Variants in STRA6 observed in about 807,000 individuals in gnomAD.
STRA6 encodes receptor for retinol uptake STRA6.
In STRA6, 48 loss-of-function variants were observed where a neutral mutation model predicts 83.6. The observed-to-expected ratio is 0.57, with a 90% CI of 0.46 to 0.73. STRA6 has a LOEUF of 0.73. STRA6 is among the 30% of genes least tolerant of loss of function. The pLI is 0.00. For synonymous variants in STRA6, 353 were observed against 362.3 expected (o/e 0.97, Z 0.29); for missense variants, 760 against 838.8 (o/e 0.91, Z 1.16).
In STRA6 at chr15:74,180,764, C is replaced by T; in HGVS notation, c.1840+18G>A. 1 of 1,598,946 alleles carries T rather than the reference C, an allele frequency of 6.3e-7. No homozygotes were observed. The highest frequency in any genetic ancestry group is 1.1e-5 in the South Asian group (1 of 90,378). On this transcript the variant is annotated intron_variant, in intron 18 of 18. Transcript: ENST00000395105. Reference sequence around the variant, plus strand: ...GCTGGGTAGGCTCTATTCCCCCATTCCCAGTGGGAGGGCGCACCTTCGTCT... The same window carrying T: ...GCTGGGTAGGCTCTATTCCCCCATTTCCAGTGGGAGGGCGCACCTTCGTCT...
At chr15:74,191,937 T>A in intron 8 of STRA6, 1 of 279,358 alleles carries the variant, frequency 3.6e-6, no homozygotes, top group Non-Finnish European at 6.9e-6. Flanking sequence ...CTGCTGCCAC[T>A]GCGCAAGGGA....
At chr15:74,186,861 G>C (rs1455825026) in intron 12 of STRA6, among the ~76,000 whole-genome samples, 1 of 152,210 alleles carries the variant, frequency 6.6e-6, no homozygotes, top group African/African-American at 2.4e-5. Context: ...CTGGCACAGG[G>C]CTTGAGCAAC....
intron 8 of STRA6, among the ~76,000 whole-genome samples, chr15:74,192,444 G>A (rs571803225): frequency 1.4e-4 from 22 of 152,260 alleles, no homozygotes; most frequent in African/African-American, 4.6e-4. Context: ...GGGCCTTCTC[G>A]GACCAGAGTA....
upstream of STRA6, among the ~76,000 whole-genome samples, chr15:74,204,329 G>A (rs939180894): frequency 3.3e-5 from 5 of 152,226 alleles, no homozygotes; most frequent in African/African-American, 1.2e-4. Flanking sequence ...GGGTAAGAGG[G>A]ACTTCAGAAA....
chr15:74,189,341 C>T (rs1321841658), intron 11 of STRA6, 64 bp from the exon 12 acceptor site: 42 of 1,546,650 alleles, frequency 2.7e-5, no homozygotes, highest in African/African-American at 4.1e-5. Context: ...ACAGGGGAGA[C>T]GCTGGGGAAG....
In STRA6 at chr15:74,196,106, G is replaced by A. The variant is rs2073806173; in HGVS notation, c.308C>T (p.Pro103Leu). The A allele has an allele frequency of 6.2e-7, 1 of 1,614,014 alleles. No individual in the cohort carries two copies. Residue 103 changes from proline (P) to leucine (L), a missense_variant, in exon 5 of 19, where the codon CCT becomes CTT. Coordinates refer to ENST00000395105, the MANE Select transcript of STRA6 (RefSeq NM_022369.4). ...FLAGDRPRAV[P>L]AAVFMVLLSS... Reference sequence around the variant, plus strand: ...CAGGAGGACCATGAAAACAGCAGCAGGCACTGCCCGGGGCCTGTCCCCAGC... The same window carrying A: ...CAGGAGGACCATGAAAACAGCAGCAAGCACTGCCCGGGGCCTGTCCCCAGC...
chr15:74,209,305 T>C, upstream of STRA6: 4 of 1,448,254 alleles, frequency 2.8e-6, no homozygotes, highest in South Asian at 4.9e-5. Context: ...AGGGCTTTGA[T>C]GGCTGAGTTT....
intron 2 of STRA6, among the ~76,000 whole-genome samples, chr15:74,200,479 A>T (rs12905521): frequency 0.16 from 24,100 of 152,064 alleles, 2,487 homozygotes; most frequent in Non-Finnish European, 0.23. Context: ...TCTGTGGCTG[A>T]CTCCACTGCC....
At chr15:74,203,117 G>T (rs1392254905), upstream of STRA6, 33 of 985,508 alleles carry the variant, frequency 3.3e-5, no homozygotes, top group Non-Finnish European at 3.6e-5. Flanking sequence ...GACCGCTGGG[G>T]CTGGGCTGGG....
intron 2 of STRA6, among the ~76,000 whole-genome samples, chr15:74,199,054 G>C (rs1276654087): frequency 6.6e-6 from 1 of 152,236 alleles, no homozygotes; most frequent in Non-Finnish European, 1.5e-5. Context: ...GCCAGAGGGA[G>C]GGTGGCAGCA....
At chr15:74,182,675 A>G in intron 14 of STRA6, 1 of 572,430 alleles carries the variant, frequency 1.7e-6, no homozygotes, top group Non-Finnish European at 3.1e-6. Flanking sequence ...TCCCTACCTC[A>G]GAGGCTGTTG....
chr15:74,202,974 C>T (rs569883835), upstream of STRA6: 100 of 986,552 alleles, frequency 1.0e-4, no homozygotes, highest in Non-Finnish European at 1.1e-4. Flanking sequence ...GAGCCACCCC[C>T]ACCCCCGCAC....
Position 74,184,005 on chromosome 15 carries a change from G to C in STRA6, c.1167-16C>G. 1 of 1,611,830 alleles carries C rather than the reference G, an allele frequency of 6.2e-7. No homozygotes were observed. Among genetic ancestry groups the C allele is most frequent in the Non-Finnish European group, 8.5e-7 (1 of 1,179,984 alleles). On this transcript the variant is annotated splice_polypyrimidine_tract_variant and intron_variant, in intron 13 of 18. Coordinates refer to ENST00000395105, the MANE Select transcript of STRA6 (RefSeq NM_022369.4). ...AAGGTTGGTCCTGGGGTGGGAGCCA[G>C]GGAGGCAGAGACCTCAGGGAGCAAC...
At chr15:74,183,333 C>T in intron 14 of STRA6, 1 of 227,046 alleles carries the variant, frequency 4.4e-6, no homozygotes, top group Non-Finnish European at 8.2e-6. Flanking sequence ...GCAACCTCCA[C>T]CTCCTGGGTT....
At chr15:74,190,089 T>C (rs755916191) in intron 11 of STRA6, among the ~76,000 whole-genome samples, 5 of 152,188 alleles carry the variant, frequency 3.3e-5, no homozygotes, top group Non-Finnish European at 7.4e-5. Context: ...AATTTGAGCC[T>C]TTGGATTTTG....
chr15:74,180,289 C>T, intron 18 of STRA6, 46 bp from the exon 19 acceptor site: 1 of 1,612,470 alleles, frequency 6.2e-7, no homozygotes, highest in Non-Finnish European at 8.5e-7. Flanking sequence ...AACACCCAGC[C>T]AACCCTCCCT....
rs142048815 is a variant in STRA6, at chr15:74,180,786, G to C, written c.1836C>G (p.Asp612Glu). The change falls in exon 18 of 19, where the codon GAC becomes GAG. Residue 612 changes from aspartate (D) to glutamate (E), a missense_variant. Coordinates refer to ENST00000395105, the MANE Select transcript of STRA6 (RefSeq NM_022369.4). ...PQDSLRPGEEDEGMQLLQTKD... is the reference protein window; with the variant it reads ...PQDSLRPGEEEEGMQLLQTKD... ...ATTCCCAGTGGGAGGGCGCACCTTC[G>C]TCTTCCTCCCCTGGTCTGAGGCTGT... 1 of 1,604,594 alleles carries C rather than the reference G, an allele frequency of 6.2e-7. No homozygotes were observed. Among genetic ancestry groups the C allele is most frequent in the African/African-American group, 1.3e-5 (1 of 74,706 alleles).
chr15:74,203,514 G>A (rs1383722319), upstream of STRA6, among the ~76,000 whole-genome samples: 1 of 152,380 alleles, frequency 6.6e-6, no homozygotes, highest in Non-Finnish European at 1.5e-5. Flanking sequence ...CCCTAAAACT[G>A]TGAGGGTCTC....
upstream of STRA6, among the ~76,000 whole-genome samples, chr15:74,204,271 C>T (rs1487244165): frequency 1.3e-5 from 2 of 152,248 alleles, no homozygotes; most frequent in Non-Finnish European, 2.9e-5. Flanking sequence ...GACTCTATCC[C>T]TCCCACCCCT....
Sources: allele counts gnomAD v4.1 joint callset (sites outside exome capture counted in the v4.1 genomes callset), GRCh38; gene constraint gnomAD v4.1.1; transcripts MANE v1.5; gene names NCBI Gene and HGNC (gene_info 2026-07-23, HGNC 2026-07-21).